RORA: variants seen among roughly 807,000 people sequenced by gnomAD.
RORA encodes the protein nuclear receptor ROR-alpha.
RORA carries 7 observed loss-of-function variants against 69.5 expected under a neutral mutation model. That is an observed-to-expected ratio of 0.10 (90% confidence interval 0.06 to 0.19). The LOEUF (loss-of-function observed/expected upper bound fraction) is 0.19, where lower values mean the gene tolerates loss of function less well. Ranked by LOEUF, RORA falls within the 10% of genes least tolerant of loss-of-function variation. The probability of loss-of-function intolerance (pLI) is 1.00; values close to 1 mark genes in which losing one functional copy is unlikely to be tolerated. For synonymous variants in RORA, 261 were observed against 240.8 expected (o/e 1.08, Z -0.78); for missense variants, 457 against 663.0 (o/e 0.69, Z 3.41).
intron 1 of RORA, among the ~76,000 whole-genome samples, chr15:60,747,955 G>A (rs922448987): frequency 3.9e-5 from 6 of 152,106 alleles, no homozygotes; most frequent in African/African-American, 9.7e-5. Context: ...AATGTTTAAA[G>A]CATCATTTAT....
intron 1 of RORA, among the ~76,000 whole-genome samples, chr15:61,198,909 T>C (rs1450060884): frequency 6.6e-6 from 1 of 152,180 alleles, no homozygotes; most frequent in Non-Finnish European, 1.5e-5. Context: ...CTGTCCATTC[T>C]CCTTACCCAG....
chr15:60,574,067 T>C (rs1358941861), intron 2 of RORA, among the ~76,000 whole-genome samples: 1 of 152,214 alleles, frequency 6.6e-6, no homozygotes, highest in Non-Finnish European at 1.5e-5. Flanking sequence ...TCTCGGAATC[T>C]GGAACAATGT....
At chr15:60,710,497 A>G (rs1038109272) in intron 1 of RORA, among the ~76,000 whole-genome samples, 5 of 152,198 alleles carry the variant, frequency 3.3e-5, no homozygotes, top group Non-Finnish European at 5.9e-5. Context: ...TCAAAAAAAT[A>G]AAAAACAGAA....
intron 1 of RORA, among the ~76,000 whole-genome samples, chr15:60,884,213 A>G (rs2073725754): frequency 6.6e-6 from 1 of 151,992 alleles, no homozygotes; most frequent in African/African-American, 2.4e-5. Flanking sequence ...AGAGAGAGAG[A>G]GAGAGAAGGA....
At chr15:60,706,707 T>C (rs1410192196) in intron 1 of RORA, among the ~76,000 whole-genome samples, 1 of 152,176 alleles carries the variant, frequency 6.6e-6, no homozygotes, top group Non-Finnish European at 1.5e-5. Flanking sequence ...ACCACTGTCT[T>C]GATCAATACC....
intron 2 of RORA, among the ~76,000 whole-genome samples, chr15:60,644,046 A>T (rs1465562611): frequency 1.3e-5 from 2 of 149,070 alleles, no homozygotes; most frequent in African/African-American, 4.9e-5. Flanking sequence ...CACTGGGATT[A>T]AAAAAAAAAG....
chr15:60,667,979 C>T (rs923784883), intron 2 of RORA, among the ~76,000 whole-genome samples: 3 of 151,778 alleles, frequency 2.0e-5, no homozygotes, highest in Admixed American at 6.6e-5. Context: ...ATGACAGTCT[C>T]TTGTGGCAGG....
At chr15:60,787,127 A>G (rs978667266) in intron 1 of RORA, among the ~76,000 whole-genome samples, 2 of 152,254 alleles carry the variant, frequency 1.3e-5, no homozygotes, top group Admixed American at 1.3e-4. Context: ...GCAAAGGTGT[A>G]GTCCATGGAA....
chr15:60,519,050 C>T (rs2066064736), intron 3 of RORA, among the ~76,000 whole-genome samples: 1 of 152,166 alleles, frequency 6.6e-6, no homozygotes, highest in Non-Finnish European at 1.5e-5. Flanking sequence ...TGTTGTTAAT[C>T]TCTCATTGTG....
intron 1 of RORA, among the ~76,000 whole-genome samples, chr15:60,923,365 T>C (rs1892108072): frequency 6.6e-6 from 1 of 152,236 alleles, no homozygotes; most frequent in Admixed American, 6.5e-5. Flanking sequence ...TTCATCTGTG[T>C]ATTCCACATC....
At chr15:60,927,938 A>AC (rs1892264432) in intron 1 of RORA, among the ~76,000 whole-genome samples, 1 of 152,208 alleles carries the variant, frequency 6.6e-6, no homozygotes, top group Non-Finnish European at 1.5e-5. Context: ...CTGGATTAGA[A>AC]CCACAGTCTT....
intron 1 of RORA, among the ~76,000 whole-genome samples, chr15:60,867,981 C>T (rs2140432628): frequency 6.6e-6 from 1 of 152,278 alleles, no homozygotes; most frequent in South Asian, 2.1e-4. Context: ...GATCCTGCTT[C>T]TCTAATCTTA....
chr15:60,547,604 G>T (rs1166283507), intron 2 of RORA: 2 of 149,906 alleles, frequency 1.3e-5, no homozygotes, highest in Non-Finnish European at 2.9e-5. Context: ...GGGATTACAG[G>T]TGTAAGCCAC....
intron 1 of RORA, among the ~76,000 whole-genome samples, chr15:61,127,774 G>A (rs535639773): frequency 9.2e-5 from 14 of 151,942 alleles, no homozygotes; most frequent in Non-Finnish European, 1.8e-4. Flanking sequence ...TCATTAACAC[G>A]GGCCATCCAG....
intron 1 of RORA, among the ~76,000 whole-genome samples, chr15:60,994,393 T>A (rs7168382): frequency 6.6e-6 from 1 of 152,070 alleles, no homozygotes; most frequent in Non-Finnish European, 1.5e-5. Context: ...AAACTGAATG[T>A]AACGTAACCA....
At chr15:61,108,313 A>G (rs1223219806) in intron 1 of RORA, among the ~76,000 whole-genome samples, 1 of 152,206 alleles carries the variant, frequency 6.6e-6, no homozygotes, top group African/African-American at 2.4e-5. Context: ...CAGTGAGCCA[A>G]TGATTTTTTT....
At chr15:61,133,835 C>T (rs996776098) in intron 1 of RORA, among the ~76,000 whole-genome samples, 16 of 152,190 alleles carry the variant, frequency 1.1e-4, no homozygotes, top group Admixed American at 9.2e-4. Context: ...AACGCCTACC[C>T]TTCTTCCTAC....
At chr15:61,161,172 G>C (rs191608249) in intron 1 of RORA, among the ~76,000 whole-genome samples, 95 of 152,280 alleles carry the variant, frequency 6.2e-4, no homozygotes, top group African/African-American at 2.2e-3. Context: ...GAGCCAGAAG[G>C]ATTGTGGATC....
intron 1 of RORA, among the ~76,000 whole-genome samples, chr15:60,850,715 A>C (rs2073314892): frequency 6.6e-6 from 1 of 152,062 alleles, no homozygotes; most frequent in Non-Finnish European, 1.5e-5. Context: ...CTGCCCATCA[A>C]CTTGCTCTGA....
Sources: allele counts gnomAD v4.1 joint callset (sites outside exome capture counted in the v4.1 genomes callset), GRCh38; gene constraint gnomAD v4.1.1; transcripts MANE v1.5; gene names NCBI Gene and HGNC (gene_info 2026-07-23, HGNC 2026-07-21).